Variants in FSIP1 observed in about 807,000 individuals in gnomAD.
FSIP1 encodes the protein fibrous sheath interacting protein 1.
A neutral mutation model predicts 60.9 loss-of-function variants in FSIP1; 65 were observed. The observed-to-expected ratio is 1.07, with a 90% CI of 0.87 to 1.31. FSIP1 has a LOEUF of 1.31. FSIP1 is among the 40% of genes most tolerant of loss of function. The pLI, the probability that FSIP1 is intolerant of heterozygous loss-of-function variation, is 0.00. For missense variants in FSIP1, 675 were observed against 665.5 expected (o/e 1.01, Z -0.16); for synonymous variants, 209 against 221.2 (o/e 0.94, Z 0.49).
chr15:39,680,639 G>C (rs544255874), intron 10 of FSIP1, among the ~76,000 whole-genome samples: 60 of 152,146 alleles, frequency 3.9e-4, no homozygotes, highest in Admixed American at 8.5e-4. Flanking sequence ...TGGGTCCTTG[G>C]TAACTGTAGA....
intron 10 of FSIP1, among the ~76,000 whole-genome samples, chr15:39,625,335 G>C (rs189094765): frequency 6.6e-6 from 1 of 152,190 alleles, no homozygotes; most frequent in Non-Finnish European, 1.5e-5. Flanking sequence ...AGCATGGATC[G>C]AGGGAGCTAG....
intron 10 of FSIP1, among the ~76,000 whole-genome samples, chr15:39,669,955 C>T (rs1031715162): frequency 6.6e-6 from 1 of 152,136 alleles, no homozygotes; most frequent in African/African-American, 2.4e-5. Context: ...GAATCATGCT[C>T]GTTCTGGAAA....
chr15:39,600,764 C>T lies in FSIP1; in HGVS notation c.*116G>A, dbSNP rs940251453. The T allele has an allele frequency of 1.1e-5, 8 of 734,900 alleles. No homozygotes were observed. In the East Asian group the frequency reaches 1.7e-4, roughly 16 times the overall value. The allele number at this position is 734,900 out of a possible 1,614,324, so 45.5% of individuals were successfully genotyped here. A position where few individuals can be genotyped will look rare whatever the true frequency, so the allele number is the denominator to read the frequency against. On this transcript the variant is annotated 3_prime_UTR_variant, in exon 12 of 12. Transcript: ENST00000350221. ...ATCCACAAAGAGCGACTCCAAATGT[C>T]AAAATCAATAAAGAATAGTCTCTGC...
At position 39,713,033 on chromosome 15, in the gene FSIP1, A is replaced by C. The variant is rs541957907; in HGVS notation, c.1188+411T>G. 9.2e-5 allele frequency among the ~76,000 whole-genome samples: 14 copies of C among 152,360 alleles called. No homozygotes were observed. In the South Asian group the frequency reaches 2.9e-3, roughly 32 times the overall value. On this transcript the variant is annotated intron_variant, in intron 10 of 11. Transcript: ENST00000350221. ...TTATGGATTATTATTCTGACTTCACATAGTATCTTACACACTATCTGAAGT... is the reference window on the plus strand; with the variant it reads ...TTATGGATTATTATTCTGACTTCACCTAGTATCTTACACACTATCTGAAGT...
intron 1 of FSIP1, among the ~76,000 whole-genome samples, chr15:39,778,714 TGC>T (rs1898146638): frequency 6.6e-6 from 1 of 152,112 alleles, no homozygotes; most frequent in Admixed American, 6.5e-5. Flanking sequence ...TCGTGAGGAG[TGC>T]ACAAAAGGAA....
At chr15:39,658,313 C>T (rs927684147) in intron 10 of FSIP1, among the ~76,000 whole-genome samples, 2 of 144,020 alleles carry the variant, frequency 1.4e-5, no homozygotes, top group South Asian at 4.4e-4. Flanking sequence ...AGTATAGTGG[C>T]GCGATCTCAG....
intron 10 of FSIP1, among the ~76,000 whole-genome samples, chr15:39,673,585 G>C (rs1050247743): frequency 6.6e-6 from 1 of 152,104 alleles, no homozygotes; most frequent in Admixed American, 6.5e-5. Context: ...CAAAGCACTG[G>C]GATTACGAAG....
intron 5 of FSIP1, among the ~76,000 whole-genome samples, chr15:39,757,351 G>A (rs1338149611): frequency 6.6e-6 from 1 of 152,014 alleles, no homozygotes; most frequent in African/African-American, 2.4e-5. Flanking sequence ...GAAATACCAG[G>A]AATATGAGAC....
intron 10 of FSIP1, among the ~76,000 whole-genome samples, chr15:39,708,036 G>A (rs980430107): frequency 6.6e-6 from 1 of 152,080 alleles, no homozygotes; most frequent in African/African-American, 2.4e-5. Flanking sequence ...TGTCTGTGGG[G>A]GCTGTCTTAT....
intron 9 of FSIP1, among the ~76,000 whole-genome samples, chr15:39,722,316 T>C (rs1896014868): frequency 6.6e-6 from 1 of 151,934 alleles, no homozygotes; most frequent in Non-Finnish European, 1.5e-5. Context: ...TTATGGTGAG[T>C]TGTATAATTA....
chr15:39,703,660 A>G (rs562040497), intron 10 of FSIP1, among the ~76,000 whole-genome samples: 218 of 152,334 alleles, frequency 1.4e-3, no homozygotes, highest in Middle Eastern at 6.8e-3. Flanking sequence ...ATGGGTTGAT[A>G]GGTGTAGCAA....
At chr15:39,604,519 T>C (rs1890754348) in intron 11 of FSIP1, among the ~76,000 whole-genome samples, 1 of 152,052 alleles carries the variant, frequency 6.6e-6, no homozygotes, top group Non-Finnish European at 1.5e-5. Context: ...TTAAAGAAAA[T>C]TAGTTGAAAG....
At chr15:39,608,273 C>T (rs1890899603) in intron 11 of FSIP1, among the ~76,000 whole-genome samples, 1 of 152,170 alleles carries the variant, frequency 6.6e-6, no homozygotes, top group African/African-American at 2.4e-5. Context: ...ATAATCAGAG[C>T]CATGTTCTAT....
At chr15:39,646,600 T>C (rs2140428530) in intron 10 of FSIP1, among the ~76,000 whole-genome samples, 1 of 142,028 alleles carries the variant, frequency 7.0e-6, no homozygotes, top group African/African-American at 2.7e-5. Context: ...GAGACTGAGA[T>C]GGGAGGAGTA....
chr15:39,605,087 G>A (rs1181955275), intron 11 of FSIP1, among the ~76,000 whole-genome samples: 1 of 152,020 alleles, frequency 6.6e-6, no homozygotes, highest in Non-Finnish European at 1.5e-5. Context: ...ACAATCAATG[G>A]GCAAAATTTC....
intron 10 of FSIP1, among the ~76,000 whole-genome samples, chr15:39,655,647 C>T (rs1233054212): frequency 6.6e-6 from 1 of 152,152 alleles, no homozygotes; most frequent in Non-Finnish European, 1.5e-5. Flanking sequence ...TCTCAAGTTT[C>T]GGTATCCTTA....
At chr15:39,670,818 A>C (rs942619810) in intron 10 of FSIP1, among the ~76,000 whole-genome samples, 8 of 152,252 alleles carry the variant, frequency 5.3e-5, no homozygotes, top group African/African-American at 1.9e-4. Context: ...GAGAGTCACA[A>C]ACTTCTAAAG....
chr15:39,641,454 C>A (rs1892366310), intron 10 of FSIP1, among the ~76,000 whole-genome samples: 2 of 152,042 alleles, frequency 1.3e-5, no homozygotes, highest in African/African-American at 4.8e-5. Context: ...CGCATAGTAA[C>A]CAGCTGTATA....
At position 39,617,901 on chromosome 15, in the gene FSIP1, C is replaced by T; in HGVS notation, c.1533G>A (p.Lys511=). The change falls in exon 11 of 12, where the codon AAG becomes AAA. Residue 511 remains lysine, a synonymous_variant. Transcript: ENST00000350221. ...CTTTTGTGTCACTAATAATAACGTCCTTGGAAAATTGAAGGCATTTCATAT... is the reference window on the plus strand; with the variant it reads ...CTTTTGTGTCACTAATAATAACGTCTTTGGAAAATTGAAGGCATTTCATAT... ...AENMKCLQFS[K]DVIISDTKDY... is the part of the protein sequence containing the mutation. 2 of 1,614,116 alleles carry T rather than the reference C, an allele frequency of 1.2e-6. No individual in the cohort carries two copies. Among genetic ancestry groups the T allele is most frequent in the Non-Finnish European group, 1.7e-6 (2 of 1,180,020 alleles).
Sources: gnomAD v4.1 joint callset for allele counts (sites outside exome capture counted in the v4.1 genomes callset) on GRCh38, gnomAD v4.1.1 for gene constraint, MANE v1.5 for transcripts, NCBI Gene and HGNC (gene_info 2026-07-23, HGNC 2026-07-21) for gene names.